Variants in NRG1 observed in about 807,000 individuals in gnomAD.
NRG1 encodes pro-neuregulin-1, membrane-bound isoform.
Under a neutral mutation model 63.8 loss-of-function variants are expected in NRG1, and 18 were observed. That is an observed-to-expected ratio of 0.28 (90% confidence interval 0.19 to 0.42). NRG1 has a LOEUF of 0.42. Ranked by LOEUF, NRG1 falls within the 10% of genes least tolerant of loss-of-function variation. The pLI, the probability that NRG1 is intolerant of heterozygous loss-of-function variation, is 1.00. For synonymous variants in NRG1, 302 were observed against 301.3 expected (o/e 1.00, Z -0.02); for missense variants, 762 against 814.7 (o/e 0.94, Z 0.79).
intron 1 of NRG1, among the ~76,000 whole-genome samples, chr8:32,316,286 G>A (rs1220940047): frequency 6.6e-6 from 1 of 152,078 alleles, no homozygotes; most frequent in African/African-American, 2.4e-5. Context: ...GACCATTCTG[G>A]CCAACATGGT....
At chr8:32,671,954 G>A (rs1470026679) in intron 5 of NRG1, among the ~76,000 whole-genome samples, 2 of 151,996 alleles carry the variant, frequency 1.3e-5, no homozygotes, top group Non-Finnish European at 2.9e-5. Context: ...CTTTATGGGG[G>A]TGTCTTGTCA....
intron 1 of NRG1, among the ~76,000 whole-genome samples, chr8:32,005,060 A>C (rs1192802039): frequency 6.6e-6 from 1 of 151,562 alleles, no homozygotes; most frequent in Non-Finnish European, 1.5e-5. Context: ...AAACATATAG[A>C]GAAGGAATAG....
chr8:32,003,810 A>G (rs1295962247), intron 1 of NRG1, among the ~76,000 whole-genome samples: 1 of 151,870 alleles, frequency 6.6e-6, no homozygotes, highest in Non-Finnish European at 1.5e-5. Flanking sequence ...AAAACATTCA[A>G]GGAGGGAAAA....
chr8:32,435,019 A>C (rs1818613377), intron 1 of NRG1, among the ~76,000 whole-genome samples: 1 of 152,172 alleles, frequency 6.6e-6, no homozygotes, highest in African/African-American at 2.4e-5. Context: ...CCTGAGGGAC[A>C]AATGTAATCA....
intron 1 of NRG1, among the ~76,000 whole-genome samples, chr8:32,153,648 A>G (rs1020688845): frequency 7.2e-5 from 11 of 152,232 alleles, no homozygotes; most frequent in African/African-American, 2.2e-4. Context: ...TTTCTTCTAG[A>G]AACTAAGAAT....
chr8:32,728,105 T>G, intron 6 of NRG1, 27 bp downstream of exon 6: 1 of 1,613,422 alleles, frequency 6.2e-7, no homozygotes, highest in Non-Finnish European at 8.5e-7. Context: ...TGTGTGTCGC[T>G]TATGTCTATA....
chr8:32,538,496 G>A (rs1832250120), intron 1 of NRG1, among the ~76,000 whole-genome samples: 1 of 152,166 alleles, frequency 6.6e-6, no homozygotes, highest in Non-Finnish European at 1.5e-5. Flanking sequence ...AGGTGAATGT[G>A]AATTTAGGGA....
chr8:31,640,124 G>C lies in NRG1; in HGVS notation c.37+693G>C. 1 of 1,155,966 alleles carries C rather than the reference G, an allele frequency of 8.7e-7. No homozygotes were observed. The allele number at this position is 1,155,966 out of a possible 1,614,324, so 71.6% of individuals were successfully genotyped here. A position where few individuals can be genotyped will look rare whatever the true frequency, so the allele number is the denominator to read the frequency against. ...CTGGGGACCGCGGCCCTGGCGCCGGGGGCGGCGGCCGGCAACGAGGCGGCT... is the reference window on the plus strand; with the variant it reads ...CTGGGGACCGCGGCCCTGGCGCCGGCGGCGGCGGCCGGCAACGAGGCGGCT... On this transcript the variant is annotated intron_variant, in intron 1 of 10. Transcript: ENST00000519301. The surrounding 1 kb of genome is among the most constrained non-coding windows in gnomAD (Gnocchi z 6.3).
chr8:32,421,797 C>T (rs980456714), intron 1 of NRG1, among the ~76,000 whole-genome samples: 1 of 152,120 alleles, frequency 6.6e-6, no homozygotes, highest in East Asian at 1.9e-4. Flanking sequence ...GGAAAAACAC[C>T]TAAGCTGATT....
chr8:32,743,097 T>A, intron 7 of NRG1: 2 of 1,041,464 alleles, frequency 1.9e-6, no homozygotes, highest in Non-Finnish European at 2.3e-6. Flanking sequence ...GAACAGTCCA[T>A]CTTCTTTATA....
chr8:31,785,385 C>T (rs1820073383), intron 1 of NRG1, among the ~76,000 whole-genome samples: 1 of 152,082 alleles, frequency 6.6e-6, no homozygotes, highest in African/African-American at 2.4e-5. Flanking sequence ...TCACCCTGTG[C>T]CAAAGTCCAG....
At chr8:32,232,372 A>G (rs949498943) in intron 1 of NRG1, among the ~76,000 whole-genome samples, 3 of 152,166 alleles carry the variant, frequency 2.0e-5, no homozygotes, top group Non-Finnish European at 4.4e-5. Context: ...TGATTGTTCT[A>G]CAGCTTATAG....
In NRG1 at chr8:32,342,441, A is replaced by C. The variant is rs1433416299; in HGVS notation, c.38-253387A>C. 3.9e-5 allele frequency among the ~76,000 whole-genome samples: 6 copies of C among 152,336 alleles called. No homozygotes were observed. The East Asian group carries it at 1.2e-3, about 29-fold the overall frequency. ...TCTTTTGCAAGTGTTTCATTTTTACAGCAACACAATACATTTCCTACTGTT... is the reference window on the plus strand; with the variant it reads ...TCTTTTGCAAGTGTTTCATTTTTACCGCAACACAATACATTTCCTACTGTT... On this transcript the variant is annotated intron_variant, in intron 1 of 10. Coordinates refer to the NRG1 transcript ENST00000519301.
chr8:32,359,095 C>T (rs1398210304), intron 1 of NRG1, among the ~76,000 whole-genome samples: 1 of 152,046 alleles, frequency 6.6e-6, no homozygotes, highest in African/African-American at 2.4e-5. Flanking sequence ...TGGACAATTA[C>T]TATAATATTT....
At chr8:31,732,387 T>C (rs891257239) in intron 1 of NRG1, among the ~76,000 whole-genome samples, 1 of 152,194 alleles carries the variant, frequency 6.6e-6, no homozygotes, top group African/African-American at 2.4e-5. Flanking sequence ...TTTTGCTAGT[T>C]AGCCTGTGGT....
intron 1 of NRG1, among the ~76,000 whole-genome samples, chr8:32,386,193 C>G (rs1237960914): frequency 6.6e-6 from 1 of 152,220 alleles, no homozygotes; most frequent in Non-Finnish European, 1.5e-5. Flanking sequence ...CCTCAAACTA[C>G]TGGCCTCAAG....
At chr8:32,684,046 A>C (rs1327111369) in intron 5 of NRG1, among the ~76,000 whole-genome samples, 1 of 152,126 alleles carries the variant, frequency 6.6e-6, no homozygotes, top group African/African-American at 2.4e-5. Context: ...AATACAAAAA[A>C]ACTAGCCAGG....
intron 1 of NRG1, among the ~76,000 whole-genome samples, chr8:32,389,965 G>A (rs532505945): frequency 6.6e-6 from 1 of 151,998 alleles, no homozygotes; most frequent in Non-Finnish European, 1.5e-5. Context: ...TCACCATGTT[G>A]GCCAAACTGG....
Position 31,990,030 on chromosome 8 carries a change from T to C in NRG1, c.37+350599T>C, listed in dbSNP as rs77472715. Reference sequence around the variant, plus strand: ...ATTTGTTTTTCATTCTAATGCTATCTAACAAGGGGATGTTCTGATTTGTGT... The same window carrying C: ...ATTTGTTTTTCATTCTAATGCTATCCAACAAGGGGATGTTCTGATTTGTGT... On this transcript the variant is annotated intron_variant, in intron 1 of 10. Transcript: ENST00000519301. Among the ~76,000 whole-genome samples, 37 of 152,234 alleles carry C rather than the reference T, an allele frequency of 2.4e-4. No homozygotes were observed. In the East Asian group the frequency reaches 7.2e-3, roughly 30 times the overall value.
Sources: gnomAD v4.1 joint callset for allele counts (sites outside exome capture counted in the v4.1 genomes callset) on GRCh38, gnomAD v4.1.1 for gene constraint, Gnocchi (gnomAD v3.1) non-coding constraint, MANE v1.5 for transcripts, NCBI Gene and HGNC (gene_info 2026-07-23, HGNC 2026-07-21) for gene names.